Variants in NCAM1 observed in about 807,000 individuals in gnomAD.
The protein encoded by NCAM1 is antigen recognized by monoclonal antibody 5.1H11.
Under a neutral mutation model 109.8 loss-of-function variants are expected in NCAM1, and 14 were observed. The ratio of observed to expected loss-of-function variants is 0.13; its 90% CI spans 0.08 to 0.20. The LOEUF (loss-of-function observed/expected upper bound fraction) is 0.20, where lower values mean the gene tolerates loss of function less well. Among genes scored for constraint, NCAM1 ranks in the 10% least tolerant of loss-of-function variants. The pLI, the probability that NCAM1 is intolerant of heterozygous loss-of-function variation, is 1.00. For synonymous variants in NCAM1, 418 were observed against 442.9 expected (o/e 0.94, Z 0.70); for missense variants, 774 against 1,109.9 (o/e 0.70, Z 4.30).
At chr11:112,969,783 A>T (rs1398609282) in intron 1 of NCAM1, among the ~76,000 whole-genome samples, 1 of 152,170 alleles carries the variant, frequency 6.6e-6, no homozygotes, top group Non-Finnish European at 1.5e-5. Flanking sequence ...AGAGGCTTAG[A>T]GGAAAAACAA....
chr11:113,111,900 C>A (rs945353869), intron 1 of NCAM1, among the ~76,000 whole-genome samples: 1 of 152,152 alleles, frequency 6.6e-6, no homozygotes, highest in Admixed American at 6.6e-5. Context: ...TAAACGTATT[C>A]ATTATTCAAA....
At chr11:113,048,992 C>T in intron 1 of NCAM1, among the ~76,000 whole-genome samples, 1 of 152,178 alleles carries the variant, frequency 6.6e-6, no homozygotes, top group South Asian at 2.1e-4. Context: ...TGAACCAGAC[C>T]CCTACAGTTC....
In NCAM1 at chr11:112,961,668, C is replaced by CT; in HGVS notation, c.52+4_52+5insT. The CT allele has an allele frequency of 7.1e-7, 1 of 1,406,184 alleles. No homozygotes were observed. The allele number at this position is 1,406,184 out of a possible 1,614,324, so 87.1% of individuals were successfully genotyped here. A position where few individuals can be genotyped will look rare whatever the true frequency, so the allele number is the denominator to read the frequency against. On this transcript the variant is annotated splice_donor_region_variant and intron_variant, in intron 1 of 19. Coordinates refer to ENST00000316851, the MANE Select transcript of NCAM1 (RefSeq NM_181351.5). ...TTGTTTTTCCTGGGAACTGCAGGTA[C>CT]ATTTTTTTTTTTTTTAATTCTCAAT...
At chr11:113,056,901 C>A (rs1220907565) in intron 1 of NCAM1, among the ~76,000 whole-genome samples, 1 of 152,122 alleles carries the variant, frequency 6.6e-6, no homozygotes, top group Non-Finnish European at 1.5e-5. Context: ...TATTTTGGTA[C>A]AGATGTATCC....
At chr11:113,044,817 G>A (rs908413038) in intron 1 of NCAM1, among the ~76,000 whole-genome samples, 5 of 151,994 alleles carry the variant, frequency 3.3e-5, no homozygotes, top group Non-Finnish European at 7.4e-5. Context: ...GCAGTGGCGC[G>A]ATCTCGGCTC....
chr11:113,004,319 C>G (rs1431116843), intron 1 of NCAM1, among the ~76,000 whole-genome samples: 3 of 151,934 alleles, frequency 2.0e-5, no homozygotes, highest in Admixed American at 2.0e-4. Context: ...ATGGTGAAAC[C>G]CTGTTTCTAC....
chr11:113,263,313 G>C, intron 17 of NCAM1: 1 of 1,006,982 alleles, frequency 9.9e-7, no homozygotes, highest in South Asian at 4.3e-5. Context: ...TCTAAAGCTT[G>C]TGTCAGATTG....
intron 1 of NCAM1, among the ~76,000 whole-genome samples, chr11:112,971,737 T>C (rs1950887928): frequency 6.6e-6 from 1 of 152,148 alleles, no homozygotes; most frequent in African/African-American, 2.4e-5. Flanking sequence ...CCAGGTAGCA[T>C]CTACAGCCAA....
At chr11:113,083,139 C>T (rs1938916453) in intron 1 of NCAM1, among the ~76,000 whole-genome samples, 1 of 151,882 alleles carries the variant, frequency 6.6e-6, no homozygotes, top group Admixed American at 6.6e-5. Context: ...TAACAAGTCT[C>T]TGCTCCTGGC....
intron 1 of NCAM1, among the ~76,000 whole-genome samples, chr11:112,979,976 A>G (rs1249301513): frequency 6.6e-6 from 1 of 151,820 alleles, no homozygotes; most frequent in African/African-American, 2.4e-5. Flanking sequence ...CCCCTTCAGG[A>G]TGAAAACACT....
intron 1 of NCAM1, among the ~76,000 whole-genome samples, chr11:113,192,113 G>A (rs577883906): frequency 3.9e-5 from 6 of 152,314 alleles, no homozygotes; most frequent in South Asian, 2.1e-4. Flanking sequence ...GAAATGCTTC[G>A]CCTTGTATCA....
intron 17 of NCAM1, among the ~76,000 whole-genome samples, chr11:113,261,404 G>A (rs1051091390): frequency 6.6e-6 from 1 of 152,160 alleles, no homozygotes; most frequent in African/African-American, 2.4e-5. Context: ...TCTGGGAGAC[G>A]TGTGCTGGAC....
At chr11:113,152,939 ACT>A (rs376394493) in intron 1 of NCAM1, among the ~76,000 whole-genome samples, 3 of 152,128 alleles carry the variant, frequency 2.0e-5, no homozygotes, top group African/African-American at 7.2e-5. Context: ...TATAAAGATG[ACT>A]CTGGTATAAG....
At chr11:113,038,285 C>T (rs183781250) in intron 1 of NCAM1, among the ~76,000 whole-genome samples, 20 of 152,310 alleles carry the variant, frequency 1.3e-4, no homozygotes, top group African/African-American at 4.8e-4. Context: ...TCTCTGGCCT[C>T]CTTGCCTTTT....
At chr11:113,150,364 G>A (rs1942181071) in intron 1 of NCAM1, among the ~76,000 whole-genome samples, 1 of 152,274 alleles carries the variant, frequency 6.6e-6, no homozygotes, top group East Asian at 1.9e-4. Context: ...GCTGGTGGTG[G>A]CCCTGTCTAT....
At chr11:113,193,666 AAAG>A (rs1480955455) in intron 1 of NCAM1, among the ~76,000 whole-genome samples, 2 of 152,136 alleles carry the variant, frequency 1.3e-5, no homozygotes, top group East Asian at 3.9e-4. Flanking sequence ...AAAAAGAAAA[AAAG>A]AAAGAGAGAA....
chr11:113,247,369 G>T (rs189957744), intron 15 of NCAM1, among the ~76,000 whole-genome samples: 1 of 152,112 alleles, frequency 6.6e-6, no homozygotes, highest in African/African-American at 2.4e-5. Context: ...TGGTGTGCCC[G>T]TGCATGCAAG....
chr11:113,241,075 G>A (rs547064857), intron 14 of NCAM1, among the ~76,000 whole-genome samples: 58 of 152,328 alleles, frequency 3.8e-4, no homozygotes, highest in African/African-American at 1.3e-3. Flanking sequence ...AAACCCTGCA[G>A]GCAGGATCCC....
chr11:113,183,487 T>G (rs6589362), intron 1 of NCAM1, among the ~76,000 whole-genome samples: 4 of 152,172 alleles, frequency 2.6e-5, no homozygotes, highest in Non-Finnish European at 5.9e-5. Flanking sequence ...AGAGCATTTA[T>G]TAGAACCTGC....
Sources: allele counts gnomAD v4.1 joint callset (sites outside exome capture counted in the v4.1 genomes callset), GRCh38; gene constraint gnomAD v4.1.1; transcripts MANE v1.5; gene names NCBI Gene and HGNC (gene_info 2026-07-23, HGNC 2026-07-21).